The following KCNK9 variants were observed in gnomAD, a reference collection of about 807,000 sequenced individuals.
KCNK9 encodes potassium channel subfamily K member 9.
Under a neutral mutation model 10.8 loss-of-function variants are expected in KCNK9, and 1 was observed. That is an observed-to-expected ratio of 0.09 (90% CI 0.03 to 0.44). The LOEUF (loss-of-function observed/expected upper bound fraction) is 0.44. KCNK9 is among the 20% of genes least tolerant of loss of function. The probability of loss-of-function intolerance (pLI) is 0.97; values close to 1 mark genes in which losing one functional copy is unlikely to be tolerated. For missense variants in KCNK9, 303 were observed against 515.0 expected, an observed-to-expected ratio of 0.59 and a Z score of 3.98; for synonymous variants, 231 against 222.7, an observed-to-expected ratio of 1.04 and a Z score of -0.33.
At chr8:139,633,396 C>T (rs1474669331) in intron 1 of KCNK9, among the ~76,000 whole-genome samples, 1 of 152,050 alleles carries the variant, frequency 6.6e-6, no homozygotes, top group East Asian at 1.9e-4. Context: ...TCCTTGTTGG[C>T]CAAACGATGG....
chr8:139,610,207 A>G (rs140824278), downstream of KCNK9, among the ~76,000 whole-genome samples: 2 of 152,210 alleles, frequency 1.3e-5, no homozygotes, highest in East Asian at 3.9e-4. Flanking sequence ...ACTCACCTTG[A>G]CAGTAGGCAC....
intron 1 of KCNK9, among the ~76,000 whole-genome samples, chr8:139,626,789 T>C (rs1814992332): frequency 6.6e-6 from 1 of 152,222 alleles, no homozygotes; most frequent in Non-Finnish European, 1.5e-5. Flanking sequence ...ATGCAAAGTT[T>C]GTGCCGGTAA....
chr8:139,602,358 C>A (rs1347647757), intron 2 of KCNK9, among the ~76,000 whole-genome samples: 3 of 152,152 alleles, frequency 2.0e-5, no homozygotes, highest in Non-Finnish European at 4.4e-5. Context: ...CCTAGGTTGG[C>A]AAAGTTCAAA....
intron 1 of KCNK9, among the ~76,000 whole-genome samples, chr8:139,688,923 C>T (rs1816877947): frequency 6.6e-6 from 1 of 152,092 alleles, no homozygotes; most frequent in South Asian, 2.1e-4. Flanking sequence ...GTCCCCTCAC[C>T]CCAAATTCAT....
At chr8:139,631,010 C>T (rs1329105382) in intron 1 of KCNK9, among the ~76,000 whole-genome samples, 2 of 152,216 alleles carry the variant, frequency 1.3e-5, no homozygotes, top group African/African-American at 2.4e-5. Flanking sequence ...GCAAGAGGGG[C>T]TCTGCGCAGC....
chr8:139,657,507 T>G (rs1297555292), intron 1 of KCNK9, among the ~76,000 whole-genome samples: 2 of 152,034 alleles, frequency 1.3e-5, no homozygotes, highest in Admixed American at 1.3e-4. Flanking sequence ...GTGGAGCTTC[T>G]CATCATCCTG....
intron 1 of KCNK9, among the ~76,000 whole-genome samples, chr8:139,665,278 G>C (rs565609241): frequency 6.6e-6 from 1 of 152,268 alleles, no homozygotes; most frequent in African/African-American, 2.4e-5. Flanking sequence ...ATGGCTCATA[G>C]ATGGCCCCTT....
chr8:139,648,075 T>C (rs1190460088), intron 1 of KCNK9, among the ~76,000 whole-genome samples: 3 of 152,166 alleles, frequency 2.0e-5, no homozygotes, highest in Non-Finnish European at 4.4e-5. Context: ...CAATGCAATA[T>C]CATGTGATCA....
chr8:139,649,086 C>T (rs1442857640), intron 1 of KCNK9, among the ~76,000 whole-genome samples: 1 of 152,184 alleles, frequency 6.6e-6, no homozygotes, highest in Non-Finnish European at 1.5e-5. Context: ...TCTCCCCATC[C>T]CCGACGCCGT....
chr8:139,664,866 G>T (rs1273198739), intron 1 of KCNK9, among the ~76,000 whole-genome samples: 1 of 152,118 alleles, frequency 6.6e-6, no homozygotes, highest in Non-Finnish European at 1.5e-5. Flanking sequence ...AGCACGGGCT[G>T]GGTGGGGCCA....
chr8:139,657,818 C>A (rs73727204), intron 1 of KCNK9, among the ~76,000 whole-genome samples: 1 of 152,186 alleles, frequency 6.6e-6, no homozygotes, highest in African/African-American at 2.4e-5. Context: ...ATCACCCTGG[C>A]GGGTGGGGAG....
At chr8:139,649,290 G>A (rs1343143285) in intron 1 of KCNK9, among the ~76,000 whole-genome samples, 1 of 152,236 alleles carries the variant, frequency 6.6e-6, no homozygotes, top group Non-Finnish European at 1.5e-5. Flanking sequence ...CGCGTCAGAA[G>A]CGTGTATTTA....
chr8:139,624,818 G>A (rs1295350238), intron 1 of KCNK9, among the ~76,000 whole-genome samples: 1 of 152,212 alleles, frequency 6.6e-6, no homozygotes, highest in Admixed American at 6.5e-5. Flanking sequence ...AACTCGACAG[G>A]GCAGGCCGGT....
intron 1 of KCNK9, among the ~76,000 whole-genome samples, chr8:139,700,538 A>ACGCGCGCGCGCG (rs1382780049): frequency 8.3e-6 from 1 of 119,786 alleles, no homozygotes; most frequent in African/African-American, 3.6e-5. Flanking sequence ...ACACACACAC[A>ACGCGCGCGCGCG]CGCGCGCACA....
chr8:139,624,309 C>T (rs1202646227), intron 1 of KCNK9, among the ~76,000 whole-genome samples: 1 of 152,230 alleles, frequency 6.6e-6, no homozygotes, highest in Non-Finnish European at 1.5e-5. Flanking sequence ...TGACAGACAG[C>T]ACTGACAGCC....
intron 1 of KCNK9, among the ~76,000 whole-genome samples, chr8:139,680,725 G>A (rs768010498): frequency 5.3e-5 from 8 of 152,144 alleles, no homozygotes; most frequent in Non-Finnish European, 1.0e-4. Flanking sequence ...GAGAGGAAAC[G>A]GGGCCCAGAG....
At chr8:139,645,447 A>G (rs558686528) in intron 1 of KCNK9, among the ~76,000 whole-genome samples, 9 of 152,266 alleles carry the variant, frequency 5.9e-5, no homozygotes, top group African/African-American at 2.2e-4. Flanking sequence ...GGAAGTTGGC[A>G]TAGTCAGGCA....
At chr8:139,697,080 C>T (rs143898056) in intron 1 of KCNK9, among the ~76,000 whole-genome samples, 245 of 144,700 alleles carry the variant, frequency 1.7e-3, no homozygotes, top group Non-Finnish European at 2.6e-3. Context: ...GACGGGTGGA[C>T]GGGTGGGTGA....
At position 139,650,279 on chromosome 8, in the gene KCNK9, T is replaced by C. The variant is rs544245939; in HGVS notation, c.284-31180A>G. Among the ~76,000 whole-genome samples, 3 of 152,332 alleles carry C rather than the reference T, an allele frequency of 2.0e-5. No homozygotes were observed. In the South Asian group the frequency reaches 6.2e-4, roughly 32 times the overall value. On this transcript the variant is annotated intron_variant, in intron 1 of 1. Coordinates refer to ENST00000520439, the MANE Select transcript of KCNK9 (RefSeq NM_001282534.2). Reference sequence around the variant, plus strand: ...TCTGCTAACCAGGCAGAGCCTTAGCTCACTCACGTTACTTCACAGCTCGGA... The same window carrying C: ...TCTGCTAACCAGGCAGAGCCTTAGCCCACTCACGTTACTTCACAGCTCGGA...
Sources: gnomAD v4.1 joint callset for allele counts (sites outside exome capture counted in the v4.1 genomes callset) on GRCh38, gnomAD v4.1.1 for gene constraint, MANE v1.5 for transcripts, NCBI Gene and HGNC (gene_info 2026-07-23, HGNC 2026-07-21) for gene names.